SLC46A2: variants seen among roughly 807,000 people sequenced by gnomAD.
SLC46A2 encodes solute carrier family 46 member 2.
In SLC46A2, 25 loss-of-function variants were observed where a neutral mutation model predicts 33.1. The ratio of observed to expected loss-of-function variants is 0.76; its 90% confidence interval spans 0.55 to 1.06. The LOEUF (loss-of-function observed/expected upper bound fraction) is 1.06. Ranked by LOEUF, SLC46A2 falls within the 50% of genes least tolerant of loss-of-function variation. The probability of loss-of-function intolerance (pLI) is 0.00; values close to 1 mark genes in which losing one functional copy is unlikely to be tolerated. For synonymous variants in SLC46A2, 254 were observed against 275.9 expected (o/e 0.92, Z 0.79); for missense variants, 622 against 621.7 (o/e 1.00, Z 0.00).
chr9:112,887,944 T>TGAGA (rs1241461332), intron 1 of SLC46A2, among the ~76,000 whole-genome samples: 17 of 143,640 alleles, frequency 1.2e-4, no homozygotes, highest in Middle Eastern at 6.9e-3. Flanking sequence ...TGTGTGTGTG[T>TGAGA]GTGAGAGAGA....
In SLC46A2 at chr9:112,890,756, G is replaced by C; in HGVS notation, c.-75C>G. On this transcript the variant is annotated 5_prime_UTR_variant, in exon 1 of 4. Coordinates refer to ENST00000374228, the MANE Select transcript of SLC46A2 (RefSeq NM_033051.4). This position sits in a 1 kb window ranked among gnomAD's most constrained non-coding sequence, Gnocchi z 6.0. The stretch of plus-strand genomic sequence containing the variant: ...ATATGCTCCCAAATTCGGCTGCTAC[G>C]GCTGCTCAGGTTTCAGTCCCGGAGC... 6.7e-7 allele frequency: 1 copy of C among 1,498,450 alleles called. No homozygotes were observed. The highest frequency in any genetic ancestry group is 8.9e-7 in the Non-Finnish European group (1 of 1,123,318). The allele number at this position is 1,498,450 out of a possible 1,614,324, so 92.8% of individuals were successfully genotyped here. A position where few individuals can be genotyped will look rare whatever the true frequency, so the allele number is the denominator to read the frequency against.
intron 3 of SLC46A2, among the ~76,000 whole-genome samples, chr9:112,882,763 GAC>G (rs950683351): frequency 6.6e-6 from 1 of 152,168 alleles, no homozygotes; most frequent in Admixed American, 6.5e-5. Context: ...AGATTGGAAA[GAC>G]AGGAGTGTTA....
At chr9:112,882,802 C>G (rs2131540797) in intron 3 of SLC46A2, among the ~76,000 whole-genome samples, 1 of 152,060 alleles carries the variant, frequency 6.6e-6, no homozygotes, top group Non-Finnish European at 1.5e-5. Context: ...ATCAAGAACC[C>G]TATTTTGGAA....
In SLC46A2 at chr9:112,890,819, C is replaced by A; in HGVS notation, c.-138G>T. 6 of 762,378 alleles carry A rather than the reference C, an allele frequency of 7.9e-6. No homozygotes were observed. The highest frequency in any genetic ancestry group is 1.1e-5 in the Non-Finnish European group (6 of 531,702). The allele number at this position is 762,378 out of a possible 1,614,324, so 47.2% of individuals were successfully genotyped here. On this transcript the variant is annotated 5_prime_UTR_variant, in exon 1 of 4. Coordinates refer to ENST00000374228, the MANE Select transcript of SLC46A2 (RefSeq NM_033051.4). This position sits in a 1 kb window ranked among gnomAD's most constrained non-coding sequence, Gnocchi z 6.0. ...CGTGCGCCGGGAGCGCGAGTGTGCT[C>A]CGTGCGCCGGGAGCGCGCCGGCCAG...
chr9:112,878,922 C>T lies in SLC46A2; in HGVS notation c.*840G>A, dbSNP rs957236223. ...GGAAGGAACGATTCACACACTCATA[C>T]AATGAATGTTGATTTTATTAGGTGA... On this transcript the variant is annotated 3_prime_UTR_variant, in exon 4 of 4. Coordinates refer to ENST00000374228, the MANE Select transcript of SLC46A2 (RefSeq NM_033051.4). The T allele has an allele frequency of 3.3e-5, 5 of 152,138 alleles. No individual in the cohort carries two copies. Among genetic ancestry groups the T allele is most frequent in the African/African-American group, 1.2e-4 (5 of 41,448 alleles). The allele number at this position is 152,138 out of a possible 1,614,324, so 9.4% of individuals were successfully genotyped here.
intron 3 of SLC46A2, among the ~76,000 whole-genome samples, chr9:112,882,506 C>T (rs987364920): frequency 2.6e-5 from 4 of 152,170 alleles, no homozygotes; most frequent in African/African-American, 4.8e-5. Flanking sequence ...CTTGCTCTGG[C>T]CACCTGCTGG....
Position 112,879,718 on chromosome 9 carries a change from G to A in SLC46A2, c.*44C>T. ...TGGTCCCTTCTTTTGTCTTCTGGGG[G>A]CCTGGCCATGGCTGATGTTTTCAGT... On this transcript the variant is annotated 3_prime_UTR_variant, in exon 4 of 4. Coordinates refer to ENST00000374228, the MANE Select transcript of SLC46A2 (RefSeq NM_033051.4). 2 of 1,565,144 alleles carry A rather than the reference G, an allele frequency of 1.3e-6. No homozygotes were observed. Among genetic ancestry groups the A allele is most frequent in the Non-Finnish European group, 1.8e-6 (2 of 1,136,836 alleles).
At position 112,888,075 on chromosome 9, in the gene SLC46A2, C is replaced by T. The variant is rs112465969; in HGVS notation, c.1130-662G>A. 6.4e-3 allele frequency among the ~76,000 whole-genome samples: 966 copies of T among 152,112 alleles called. 11 individuals carry two copies. Among genetic ancestry groups the T allele is most frequent in the African/African-American group, 0.021 (882 of 41,472 alleles). On this transcript the variant is annotated intron_variant, in intron 1 of 3. Transcript: ENST00000374228. ...GGTGGATCATCTGAGGTCAGGAGTT[C>T]GAGACCAGCCTGAACAACATGGTGA...
chr9:112,890,129 AC>A lies in SLC46A2; in HGVS notation c.552del (p.Phe185SerfsTer22), dbSNP rs767490888. On this transcript the variant is annotated frameshift_variant, in exon 1 of 4. Coordinates refer to ENST00000374228, the MANE Select transcript of SLC46A2 (RefSeq NM_033051.4). LOFTEE classifies it high-confidence loss of function. This position sits in a 1 kb window ranked among gnomAD's most constrained non-coding sequence, Gnocchi z 6.0. The stretch of plus-strand genomic sequence containing the variant: ...TGCCCGGAAGCCATGCTCCCGCAGA[AC>A]CCCGCCAAGCCCAGCATCAGGTCAA... ...ILIDLMLGLA[G>X]FCGSMASGHL... 3.6e-5 allele frequency: 58 copies of A among 1,613,220 alleles called. No homozygotes were observed. The highest frequency in any genetic ancestry group is 4.7e-5 in the Non-Finnish European group (56 of 1,179,904).
At chr9:112,882,708 G>A (rs898680760) in intron 3 of SLC46A2, among the ~76,000 whole-genome samples, 2 of 152,110 alleles carry the variant, frequency 1.3e-5, no homozygotes, top group Non-Finnish European at 2.9e-5. Context: ...ATGAAGGACA[G>A]GTTTCTACCC....
rs752483767 is a variant in SLC46A2 at position 112,890,263 on chromosome 9, G to A, written c.419C>T (p.Ala140Val). 9.9e-6 allele frequency: 16 copies of A among 1,613,106 alleles called. No individual in the cohort carries two copies. The highest frequency in any genetic ancestry group is 1.4e-5 in the Non-Finnish European group (16 of 1,179,874). Residue 140 changes from alanine (A) to valine (V), a missense_variant, in exon 1 of 4, where the codon GCG becomes GTG. Transcript: ENST00000374228. This position sits in a 1 kb window ranked among gnomAD's most constrained non-coding sequence, Gnocchi z 6.0. ...DWPVEVLYGA[A>V]ALNGLFGGFS... ...GCCGCCGAATAGCCCGTTCAGCGCCGCCGCCCCGTACAGCACCTCCACTGG... is the reference window on the plus strand; with the variant it reads ...GCCGCCGAATAGCCCGTTCAGCGCCACCGCCCCGTACAGCACCTCCACTGG...
intron 2 of SLC46A2, among the ~76,000 whole-genome samples, chr9:112,886,926 A>C (rs886556344): frequency 2.0e-5 from 3 of 152,062 alleles, no homozygotes. Context: ...TGGGGGTCTC[A>C]CTATGTTGTC....
In SLC46A2 at chr9:112,889,878, C is replaced by T. The variant is rs759403730; in HGVS notation, c.804G>A (p.Gly268=). Residue 268 remains glycine, a synonymous_variant, in exon 1 of 4, where the codon GGG becomes GGA. Transcript: ENST00000374228. The part of the protein sequence containing the change: ...PDQLDQQYAV[G]HPPSPGKAKP... ...TTGCTTTTCCAGGAGATGGAGGGTGCCCCACTGCATACTGTTGGTCCAACT... is the reference window on the plus strand; with the variant it reads ...TTGCTTTTCCAGGAGATGGAGGGTGTCCCACTGCATACTGTTGGTCCAACT... 1.2e-5 allele frequency: 20 copies of T among 1,614,210 alleles called. No homozygotes were observed. The highest frequency in any genetic ancestry group is 1.7e-5 in the Admixed American group (1 of 60,026).
At position 112,887,333 on chromosome 9, in the gene SLC46A2, A is replaced by T; in HGVS notation, c.1210T>A (p.Tyr404Asn). The T allele has an allele frequency of 6.2e-7, 1 of 1,611,906 alleles. No individual in the cohort carries two copies. The highest frequency in any genetic ancestry group is 8.5e-7 in the Non-Finnish European group (1 of 1,179,132). ...AMSKLIKGSS[Y>N]GKVFVILQLS... The stretch of plus-strand genomic sequence containing the variant: ...AGAGATTCTGTTCACTACTCACCAT[A>T]AGAGGAGCCCTTTATGAGTTTGGAC... The change falls in exon 2 of 4, where the codon TAT (tyrosine) becomes AAT (asparagine). Residue 404 changes from tyrosine (Y) to asparagine (N), a missense_variant. By Grantham distance (143) the Tyr-to-Asn change is moderately radical. Transcript: ENST00000374228.
At position 112,889,555 on chromosome 9, in the gene SLC46A2, A is replaced by G. The variant is rs1841694761; in HGVS notation, c.1127T>C (p.Ile376Thr). The G allele has an allele frequency of 6.2e-7, 1 of 1,609,140 alleles. No homozygotes were observed. The highest frequency in any genetic ancestry group is 8.5e-7 in the Non-Finnish European group (1 of 1,177,404). Residue 376 changes from isoleucine (I) to threonine (T), a missense_variant and splice_region_variant, in exon 1 of 4, where the codon ATT becomes ACT. Physicochemically the swap from Ile to Thr is moderately conservative, Grantham distance 89. Coordinates refer to ENST00000374228, the MANE Select transcript of SLC46A2 (RefSeq NM_033051.4). ...CTCCTCAAGAATGACAGACTCACCAATATAGAACATGTATGTCTCTTTCAC... is the reference window on the plus strand; with the variant it reads ...CTCCTCAAGAATGACAGACTCACCAGTATAGAACATGTATGTCTCTTTCAC... ...AFVKETYMFY[I>T]ARAVMLFALI...
Position 112,890,811 on chromosome 9 carries a change from AGTGTGCTCCGTGCGCCGGGAG to A in SLC46A2, c.-151_-131del, listed in dbSNP as rs1827221111. ...GTGTGCTCCGTGCGCCGGGAGCGCGAGTGTGCTCCGTGCGCCGGGAGCGCGCCGGCCAGTGGCGAGCAGAGC... is the reference window on the plus strand; with the variant it reads ...GTGTGCTCCGTGCGCCGGGAGCGCGACGCGCCGGCCAGTGGCGAGCAGAGC... On this transcript the variant is annotated 5_prime_UTR_variant, in exon 1 of 4. Transcript: ENST00000374228. The surrounding 1 kb of genome is among the most constrained non-coding windows in gnomAD (Gnocchi z 6.0). 10 of 746,970 alleles carry A rather than the reference AGTGTGCTCCGTGCGCCGGGAG, an allele frequency of 1.3e-5. No homozygotes were observed. In the East Asian group the frequency reaches 3.1e-4, roughly 23 times the overall value. The allele number at this position is 746,970 out of a possible 1,614,324, so 46.3% of individuals were successfully genotyped here. A position where few individuals can be genotyped will look rare whatever the true frequency, so the allele number is the denominator to read the frequency against.
rs912420003 is a variant in SLC46A2 at position 112,879,015 on chromosome 9, T to G, written c.*747A>C. 12 of 152,252 alleles carry G rather than the reference T, an allele frequency of 7.9e-5. No individual in the cohort carries two copies. Among genetic ancestry groups the G allele is most frequent in the Non-Finnish European group, 1.6e-4 (11 of 68,048 alleles). The allele number at this position is 152,252 out of a possible 1,614,324, so 9.4% of individuals were successfully genotyped here. On this transcript the variant is annotated 3_prime_UTR_variant, in exon 4 of 4. Transcript: ENST00000374228. ...CTACCTCAAATAAAATAGCTCTTAATGTACCTCCTCTTCCTTCACACCACC... is the reference window on the plus strand; with the variant it reads ...CTACCTCAAATAAAATAGCTCTTAAGGTACCTCCTCTTCCTTCACACCACC...
Position 112,886,336 on chromosome 9 carries a change from C to T in SLC46A2, c.1370+124G>A, listed in dbSNP as rs530602870. Reference sequence around the variant, plus strand: ...CTTTTTCTTTGTGAGAGAGCCTACTCAGGACCCACTGCATAAATGCTGAAA... The same window carrying T: ...CTTTTTCTTTGTGAGAGAGCCTACTTAGGACCCACTGCATAAATGCTGAAA... On this transcript the variant is annotated intron_variant, in intron 3 of 3. Coordinates refer to ENST00000374228, the MANE Select transcript of SLC46A2 (RefSeq NM_033051.4). 4 of 1,032,116 alleles carry T rather than the reference C, an allele frequency of 3.9e-6. No individual in the cohort carries two copies. The East Asian group carries it at 9.7e-5, about 25-fold the overall frequency. The allele number at this position is 1,032,116 out of a possible 1,614,324, so 63.9% of individuals were successfully genotyped here.
Position 112,889,656 on chromosome 9 carries a change from G to A in SLC46A2, c.1026C>T (p.Ser342=). The A allele has an allele frequency of 1.9e-6, 3 of 1,614,124 alleles. No individual in the cohort carries two copies. Among genetic ancestry groups the A allele is most frequent in the Non-Finnish European group, 2.5e-6 (3 of 1,180,012 alleles). The change falls in exon 1 of 4, where the codon TCC becomes TCT. Residue 342 remains serine (S), a synonymous_variant. Transcript: ENST00000374228. ...ITSFLGVLVF[S]RCFRDTTMIM... Reference sequence around the variant, plus strand: ...TCATGGTGGTGTCCCGAAAGCAGCGGGAGAAGACCAGGACACCCAGGAAGC... The same window carrying A: ...TCATGGTGGTGTCCCGAAAGCAGCGAGAGAAGACCAGGACACCCAGGAAGC...
Sources: allele counts gnomAD v4.1 joint callset (sites outside exome capture counted in the v4.1 genomes callset), GRCh38; gene constraint gnomAD v4.1.1; non-coding constraint Gnocchi (gnomAD v3.1); transcripts MANE v1.5; gene names NCBI Gene and HGNC (gene_info 2026-07-23, HGNC 2026-07-21).